TMEM8B: variants seen among roughly 807,000 people sequenced by gnomAD.
TMEM8B encodes transmembrane protein 8B.
TMEM8B carries 29 observed loss-of-function variants against 49.3 expected under a neutral mutation model. That is an observed-to-expected ratio of 0.59 (90% CI 0.44 to 0.80). The LOEUF (loss-of-function observed/expected upper bound fraction) is 0.80. Among genes scored for constraint, TMEM8B ranks in the 30% least tolerant of loss-of-function variants. TMEM8B has a pLI of 0.00. For synonymous variants in TMEM8B, 264 were observed against 272.8 expected, an observed-to-expected ratio of 0.97 and a Z score of 0.32; for missense variants, 575 against 658.5, an observed-to-expected ratio of 0.87 and a Z score of 1.39.
At chr9:35,834,099 TG>T (rs1830201161) in intron 1 of TMEM8B, among the ~76,000 whole-genome samples, 1 of 151,276 alleles carries the variant, frequency 6.6e-6, no homozygotes, top group South Asian at 2.1e-4. Flanking sequence ...TTTTTAGGTT[TG>T]GTAAGTGGAG....
In TMEM8B at chr9:35,831,047, G is replaced by C. The variant is rs534337680; in HGVS notation, c.508+1092G>C. Among the ~76,000 whole-genome samples, 4 of 152,198 alleles carry C rather than the reference G, an allele frequency of 2.6e-5. No homozygotes were observed. The East Asian group carries it at 7.7e-4, about 29-fold the overall frequency. ...AAATAACAGCCAACAGAACAGCTGG[G>C]GGGTGGAGAATGGGTATCAGTGAGC... On this transcript the variant is annotated intron_variant, in intron 1 of 12. Coordinates refer to ENST00000643932, the MANE Select transcript of TMEM8B (RefSeq NM_001042590.4).
At chr9:35,832,170 T>TGG (rs1829975672) in intron 1 of TMEM8B, among the ~76,000 whole-genome samples, 1 of 85,380 alleles carries the variant, frequency 1.2e-5, no homozygotes, top group African/African-American at 5.1e-5. Context: ...GGTGTAGGGG[T>TGG]GTGTGTGTGT....
intron 3 of TMEM8B, among the ~76,000 whole-genome samples, chr9:35,837,786 C>G (rs766472499): frequency 6.6e-6 from 1 of 152,130 alleles, no homozygotes; most frequent in Non-Finnish European, 1.5e-5. Context: ...GCCACTCTGT[C>G]TTGTCCCCGG....
rs1353785067 is a variant in TMEM8B at position 35,857,900 on chromosome 9, C to T, written c.*4060C>T. 1 of 152,192 alleles carries T rather than the reference C, an allele frequency of 6.6e-6. No individual in the cohort carries two copies. Among genetic ancestry groups the T allele is most frequent in the Non-Finnish European group, 1.5e-5 (1 of 68,082 alleles). The allele number at this position is 152,192 out of a possible 1,614,324, so 9.4% of individuals were successfully genotyped here. On this transcript the variant is annotated 3_prime_UTR_variant, in exon 13 of 13. Transcript: ENST00000643932. ...AGGACAAACTGGAACCTGTGCCTGG[C>T]TCTTATGCCTTCAATCTCAGTGACT...
At position 35,857,738 on chromosome 9, in the gene TMEM8B, G is replaced by C. The variant is rs1321479508; in HGVS notation, c.*3898G>C. ...TTAGACCTTTACAGTCATGGGAGCA[G>C]TTGGAGAAATCTGTGCAAAACTGTT... On this transcript the variant is annotated 3_prime_UTR_variant, in exon 13 of 13. Transcript: ENST00000643932. 1.3e-5 allele frequency: 2 copies of C among 152,266 alleles called. No homozygotes were observed. The highest frequency in any genetic ancestry group is 1.5e-5 in the Non-Finnish European group (1 of 68,052). The allele number at this position is 152,266 out of a possible 1,614,324, so 9.4% of individuals were successfully genotyped here. A position where few individuals can be genotyped will look rare whatever the true frequency, so the allele number is the denominator to read the frequency against.
At chr9:35,835,488 C>T (rs1049658415) in intron 3 of TMEM8B, 7 of 337,832 alleles carry the variant, frequency 2.1e-5, no homozygotes, top group South Asian at 1.5e-4. Context: ...GGCTCTGGCA[C>T]AGGGGAGTAG....
rs1831099221 is a variant in TMEM8B at position 35,842,350 on chromosome 9, T to TA, written c.1310-39dup. 7.0e-7 allele frequency: 1 copy of TA among 1,424,596 alleles called. No homozygotes were observed. The highest frequency in any genetic ancestry group is 1.4e-5 in the African/African-American group (1 of 69,424). The allele number at this position is 1,424,596 out of a possible 1,614,324, so 88.2% of individuals were successfully genotyped here. On this transcript the variant is annotated intron_variant, in intron 5 of 12. Transcript: ENST00000643932. This position sits in a 1 kb window ranked among gnomAD's most constrained non-coding sequence, Gnocchi z 5.6. The stretch of plus-strand genomic sequence containing the variant: ...GTGTTTATGAGTAAGTTCAGGACTG[T>TA]AAAGGCTGCAGGCCCAAGCTCTGGT...
chr9:35,838,949 C>T (rs948839575), intron 3 of TMEM8B, among the ~76,000 whole-genome samples: 4 of 152,364 alleles, frequency 2.6e-5, no homozygotes, highest in Admixed American at 2.0e-4. Flanking sequence ...CTGCTTTCTC[C>T]AGGGCTACCA....
chr9:35,853,752 G>A lies in TMEM8B; in HGVS notation c.2687G>A (p.Cys896Tyr), dbSNP rs1034875555. The A allele has an allele frequency of 1.9e-6, 3 of 1,611,588 alleles. No homozygotes were observed. The highest frequency in any genetic ancestry group is 1.3e-5 in the African/African-American group (1 of 74,900). ...CCATCTGGAGCCCGGGCCCGGGGCT[G>A]TGGTTACCAGCTATGCATCAACGAG... ...GVPSGARARG[C>Y]GYQLCINEQE... Residue 896 changes from cysteine to tyrosine, a missense_variant, in exon 13 of 13, where the codon TGT becomes TAT. By Grantham distance (194) the Cys-to-Tyr change is radical. Coordinates refer to ENST00000643932, the MANE Select transcript of TMEM8B (RefSeq NM_001042590.4). The surrounding 1 kb of genome is among the most constrained non-coding windows in gnomAD (Gnocchi z 4.2).
At chr9:35,834,101 G>A (rs953277900) in intron 1 of TMEM8B, among the ~76,000 whole-genome samples, 1 of 150,662 alleles carries the variant, frequency 6.6e-6, no homozygotes, top group Non-Finnish European at 1.5e-5. Context: ...TTTAGGTTTG[G>A]TAAGTGGAGA....
At chr9:35,834,086 T>A (rs1830199126) in intron 1 of TMEM8B, among the ~76,000 whole-genome samples, 1 of 146,398 alleles carries the variant, frequency 6.8e-6, no homozygotes, top group Non-Finnish European at 1.5e-5. Context: ...CACACATCTG[T>A]TTTTTTTAGG....
intron 6 of TMEM8B, among the ~76,000 whole-genome samples, chr9:35,844,412 T>C (rs1442311904): frequency 6.6e-6 from 1 of 152,240 alleles, no homozygotes; most frequent in Non-Finnish European, 1.5e-5. Flanking sequence ...CAGGGATCCT[T>C]TTAACTCTAC....
At position 35,856,140 on chromosome 9, in the gene TMEM8B, G is replaced by C. The variant is rs987403045; in HGVS notation, c.*2300G>C. Reference sequence around the variant, plus strand: ...TTGCCATGATGCTAAGATAATGGGAGAGTGTTCTTTGTGGTCACCAGTGTC... The same window carrying C: ...TTGCCATGATGCTAAGATAATGGGACAGTGTTCTTTGTGGTCACCAGTGTC... On this transcript the variant is annotated 3_prime_UTR_variant, in exon 13 of 13. Coordinates refer to ENST00000643932, the MANE Select transcript of TMEM8B (RefSeq NM_001042590.4). The C allele has an allele frequency of 6.6e-6, 1 of 152,222 alleles. No individual in the cohort carries two copies. The highest frequency in any genetic ancestry group is 1.5e-5 in the Non-Finnish European group (1 of 68,052). The allele number at this position is 152,222 out of a possible 1,614,324, so 9.4% of individuals were successfully genotyped here. A position where few individuals can be genotyped will look rare whatever the true frequency, so the allele number is the denominator to read the frequency against.
chr9:35,846,667 C>A, intron 9 of TMEM8B, 56 bp downstream of exon 9: 1 of 1,561,358 alleles, frequency 6.4e-7, no homozygotes, highest in Non-Finnish European at 8.7e-7. Flanking sequence ...ACCTGCTGGG[C>A]CTGTGGGCAG....
At position 35,841,054 on chromosome 9, in the gene TMEM8B, G is replaced by T; in HGVS notation, c.907-80G>T. On this transcript the variant is annotated intron_variant, in intron 3 of 12. Transcript: ENST00000643932. This position sits in a 1 kb window ranked among gnomAD's most constrained non-coding sequence, Gnocchi z 5.9. ...CGGGGCGGGGGTTTCTCCCCAGCCC[G>T]CCCAGCAGGTTCTGTTTGCCTTGGT... is the stretch of plus-strand genomic sequence containing the variant. The T allele has an allele frequency of 4.8e-6, 2 of 412,498 alleles. No individual in the cohort carries two copies. The highest frequency in any genetic ancestry group is 8.8e-6 in the Non-Finnish European group (2 of 226,012). The allele number at this position is 412,498 out of a possible 1,614,324, so 25.6% of individuals were successfully genotyped here. A position where few individuals can be genotyped will look rare whatever the true frequency, so the allele number is the denominator to read the frequency against.
chr9:35,846,838 C>G lies in TMEM8B; in HGVS notation c.2018C>G (p.Thr673Ser). 1 of 1,613,900 alleles carries G rather than the reference C, an allele frequency of 6.2e-7. No individual in the cohort carries two copies. Among genetic ancestry groups the G allele is most frequent in the Non-Finnish European group, 8.5e-7 (1 of 1,179,890 alleles). Reference protein sequence around the residue: ...CKAGWRGWGCTDSADALTYGF... With the variant: ...CKAGWRGWGCSDSADALTYGF... ...GCAGGGTGGAGAGGCTGGGGCTGCA[C>G]CGACAGTGCAGATGCGCTCACCTAT... is the stretch of plus-strand genomic sequence containing the variant. Residue 673 changes from threonine to serine, a missense_variant, in exon 10 of 13, where the codon ACC becomes AGC. Transcript: ENST00000643932.
intron 3 of TMEM8B, among the ~76,000 whole-genome samples, chr9:35,837,827 T>A (rs1340155877): frequency 6.6e-6 from 1 of 152,058 alleles, no homozygotes; most frequent in African/African-American, 2.4e-5. Context: ...CTGTTTTGGA[T>A]CGTGTGTTCA....
intron 3 of TMEM8B, among the ~76,000 whole-genome samples, chr9:35,835,975 A>C (rs1265785718): frequency 6.6e-6 from 1 of 152,206 alleles, no homozygotes; most frequent in African/African-American, 2.4e-5. Context: ...GAGGAGAAGC[A>C]GGGGGTGTGC....
At position 35,857,141 on chromosome 9, in the gene TMEM8B, C is replaced by T. The variant is rs1050084657; in HGVS notation, c.*3301C>T. ...GCTGCCTGGGGCATGTTCAGCAGCACAGGGCTCAATCCCCACAGGGTGATG... is the reference window on the plus strand; with the variant it reads ...GCTGCCTGGGGCATGTTCAGCAGCATAGGGCTCAATCCCCACAGGGTGATG... On this transcript the variant is annotated 3_prime_UTR_variant, in exon 13 of 13. Coordinates refer to ENST00000643932, the MANE Select transcript of TMEM8B (RefSeq NM_001042590.4). 12 of 152,294 alleles carry T rather than the reference C, an allele frequency of 7.9e-5. No individual in the cohort carries two copies. The highest frequency in any genetic ancestry group is 2.9e-4 in the African/African-American group (12 of 41,460). The allele number at this position is 152,294 out of a possible 1,614,324, so 9.4% of individuals were successfully genotyped here. A position where few individuals can be genotyped will look rare whatever the true frequency, so the allele number is the denominator to read the frequency against.
Sources: allele counts gnomAD v4.1 joint callset (sites outside exome capture counted in the v4.1 genomes callset), GRCh38; gene constraint gnomAD v4.1.1; non-coding constraint Gnocchi (gnomAD v3.1); transcripts MANE v1.5; gene names NCBI Gene and HGNC (gene_info 2026-07-23, HGNC 2026-07-21).